Variants in OSTF1 observed in about 807,000 individuals in gnomAD.
OSTF1 encodes the protein osteoclast stimulating factor 1, also known as osteoclast-stimulating factor 1.
In OSTF1, 27 loss-of-function variants were observed where a neutral mutation model predicts 37.2. That is an observed-to-expected ratio of 0.73 (90% CI 0.54 to 1.00). The LOEUF is 1.00. OSTF1 is among the 50% of genes least tolerant of loss of function. The probability of loss-of-function intolerance (pLI) is 0.00; values close to 1 mark genes in which losing one functional copy is unlikely to be tolerated. For synonymous variants in OSTF1, 82 were observed against 89.2 expected (o/e 0.92, Z 0.46); for missense variants, 232 against 253.8 (o/e 0.91, Z 0.58).
At chr9:75,100,838 A>G (rs1825179385) in intron 1 of OSTF1, among the ~76,000 whole-genome samples, 1 of 151,596 alleles carries the variant, frequency 6.6e-6, no homozygotes, top group South Asian at 2.1e-4. Context: ...TATTGTCACA[A>G]CTCTCCCCCA....
At chr9:75,107,024 C>T (rs558963441) in intron 1 of OSTF1, among the ~76,000 whole-genome samples, 31 of 147,568 alleles carry the variant, frequency 2.1e-4, no homozygotes, top group South Asian at 1.3e-3. Flanking sequence ...TGTGGAATGA[C>T]GCCAATAGAG....
At chr9:75,123,823 A>G (rs1234761016) in intron 2 of OSTF1, among the ~76,000 whole-genome samples, 2 of 152,202 alleles carry the variant, frequency 1.3e-5, no homozygotes, top group African/African-American at 4.8e-5. Flanking sequence ...TGAAAAAATG[A>G]GGTCACTTTT....
rs370513681 is a variant in OSTF1 at position 75,131,738 on chromosome 9, C to T, written c.197-32C>T. On this transcript the variant is annotated intron_variant, in intron 4 of 9. Transcript: ENST00000346234. ...GTAAATCATTTGTGTGGCAATTCCA[C>T]ATTGGGTTAACACTTTTTATTTTCA... The T allele has an allele frequency of 7.3e-5, 116 of 1,581,050 alleles. No individual in the cohort carries two copies. In the African/African-American group the frequency reaches 1.4e-3, roughly 19 times the overall value.
chr9:75,105,456 A>G (rs767316779), intron 1 of OSTF1, among the ~76,000 whole-genome samples: 2 of 152,232 alleles, frequency 1.3e-5, no homozygotes, highest in African/African-American at 2.4e-5. Flanking sequence ...TTATTCATGG[A>G]CACTGCATTT....
At chr9:75,126,717 C>T (rs975697030) in intron 2 of OSTF1, among the ~76,000 whole-genome samples, 6 of 152,120 alleles carry the variant, frequency 3.9e-5, no homozygotes, top group East Asian at 1.9e-4. Flanking sequence ...CTCAGCCTCC[C>T]GAGTAGCTAT....
At chr9:75,142,940 C>T (rs1825965611) in intron 9 of OSTF1, among the ~76,000 whole-genome samples, 1 of 128,332 alleles carries the variant, frequency 7.8e-6, no homozygotes, top group African/African-American at 2.8e-5. Flanking sequence ...TATTGTTGTC[C>T]ACTTTTTTTT....
chr9:75,124,029 C>T (rs903875357), intron 2 of OSTF1, among the ~76,000 whole-genome samples: 2 of 152,056 alleles, frequency 1.3e-5, no homozygotes, highest in Non-Finnish European at 2.9e-5. Context: ...CCACAGAGGA[C>T]GAGAATTACT....
chr9:75,112,086 G>T (rs558641692), intron 1 of OSTF1, among the ~76,000 whole-genome samples: 3 of 150,184 alleles, frequency 2.0e-5, no homozygotes, highest in South Asian at 4.2e-4. Flanking sequence ...GCCTGGCTGG[G>T]ATTACAGGCA....
chr9:75,088,618 C>A lies in OSTF1; in HGVS notation c.-75C>A. 1 of 1,477,902 alleles carries A rather than the reference C, an allele frequency of 6.8e-7. No homozygotes were observed. Among genetic ancestry groups the A allele is most frequent in the Non-Finnish European group, 9.3e-7 (1 of 1,074,522 alleles). 91.5% of individuals were successfully genotyped at this position (1,477,902 alleles called of 1,614,324 possible). A position where few individuals can be genotyped will look rare whatever the true frequency, so the allele number is the denominator to read the frequency against. ...AAGCCAGACAAAAAGAACTGGGGTG[C>A]CCGGAGTGCCAGGTGGCGGGCAAGC... On this transcript the variant is annotated 5_prime_UTR_variant, in exon 1 of 10. Transcript: ENST00000346234.
At chr9:75,090,169 TTTTA>T (rs1824940178) in intron 1 of OSTF1, among the ~76,000 whole-genome samples, 1 of 152,178 alleles carries the variant, frequency 6.6e-6, no homozygotes, top group Admixed American at 6.5e-5. Flanking sequence ...CTAAACAATA[TTTTA>T]TTTATCTTAT....
At chr9:75,095,097 C>G (rs1825049900) in intron 1 of OSTF1, among the ~76,000 whole-genome samples, 1 of 152,176 alleles carries the variant, frequency 6.6e-6, no homozygotes. Context: ...TTTTAAATAA[C>G]TACATAGTAT....
At chr9:75,131,270 AG>A (rs1402196529) in intron 4 of OSTF1, among the ~76,000 whole-genome samples, 1 of 152,218 alleles carries the variant, frequency 6.6e-6, no homozygotes, top group Non-Finnish European at 1.5e-5. Flanking sequence ...CTTCTTTAAG[AG>A]GCAGGTAGCT....
At chr9:75,130,662 T>G in intron 4 of OSTF1, 21 bp downstream of exon 4, 1 of 1,558,838 alleles carries the variant, frequency 6.4e-7, no homozygotes, top group Non-Finnish European at 8.9e-7. Context: ...CTGAGTGGTT[T>G]TACTTTAGCT....
At chr9:75,094,834 A>G (rs963856551) in intron 1 of OSTF1, among the ~76,000 whole-genome samples, 1 of 152,154 alleles carries the variant, frequency 6.6e-6, no homozygotes, top group Admixed American at 6.5e-5. Context: ...GCTTGAGCCT[A>G]GGAGTTTGAG....
chr9:75,145,138 C>CCTAT (rs759211679), intron 9 of OSTF1, among the ~76,000 whole-genome samples: 17,887 of 95,880 alleles, frequency 0.19, 1,630 homozygotes, highest in African/African-American at 0.37. Flanking sequence ...TATCTGCCTG[C>CCTAT]CTATCTATCT....
At chr9:75,139,309 C>T (rs1825901997) in intron 8 of OSTF1, among the ~76,000 whole-genome samples, 2 of 152,108 alleles carry the variant, frequency 1.3e-5, no homozygotes, top group African/African-American at 4.8e-5. Flanking sequence ...GCTGGGATTA[C>T]AGGCGGATGA....
chr9:75,111,647 C>T (rs1300185769), intron 1 of OSTF1, among the ~76,000 whole-genome samples: 1 of 152,014 alleles, frequency 6.6e-6, no homozygotes, highest in Non-Finnish European at 1.5e-5. Flanking sequence ...CTTCTGAGCT[C>T]CATTTTTCCT....
At chr9:75,114,465 C>T (rs1825446442) in intron 1 of OSTF1, among the ~76,000 whole-genome samples, 5 of 152,094 alleles carry the variant, frequency 3.3e-5, no homozygotes, top group Admixed American at 3.3e-4. Flanking sequence ...AGCACAGATA[C>T]AGAACTTTTC....
At chr9:75,146,377 A>G (rs78033711) in intron 9 of OSTF1, among the ~76,000 whole-genome samples, 4,204 of 152,316 alleles carry the variant, frequency 0.028, 171 homozygotes, top group African/African-American at 0.094. Flanking sequence ...GTCAGAGTGG[A>G]GTGCTGCTGG....
Sources: allele counts gnomAD v4.1 joint callset (sites outside exome capture counted in the v4.1 genomes callset), GRCh38; gene constraint gnomAD v4.1.1; transcripts MANE v1.5; gene names NCBI Gene and HGNC (gene_info 2026-07-23, HGNC 2026-07-21).